SIPA1L3: variants seen among roughly 807,000 people sequenced by gnomAD.
SIPA1L3 encodes signal induced proliferation associated 1 like 3.
SIPA1L3 carries 59 observed loss-of-function variants against 150.1 expected under a neutral mutation model. The ratio of observed to expected loss-of-function variants is 0.39; its 90% CI spans 0.32 to 0.49. The LOEUF (loss-of-function observed/expected upper bound fraction) is 0.49, where lower values mean the gene tolerates loss of function less well. SIPA1L3 is among the 20% of genes least tolerant of loss of function. The pLI is 0.86. For synonymous variants in SIPA1L3, 1,070 were observed against 1,077.6 expected (o/e 0.99, Z 0.14); for missense variants, 2,211 against 2,489.5 (o/e 0.89, Z 2.38).
chr19:38,154,015 A>T (rs1419931079), intron 13 of SIPA1L3, among the ~76,000 whole-genome samples: 1 of 152,202 alleles, frequency 6.6e-6, no homozygotes, highest in African/African-American at 2.4e-5. Flanking sequence ...GGCAGGAAAT[A>T]TAACATGGCT....
chr19:37,921,058 C>T (rs1191681831), intron 1 of SIPA1L3, among the ~76,000 whole-genome samples: 3 of 152,234 alleles, frequency 2.0e-5, no homozygotes, highest in Non-Finnish European at 2.9e-5. Context: ...CCACACGAAC[C>T]GGAATCCAGT....
At chr19:38,151,961 C>CAAAAAAAAA (rs35851181) in intron 12 of SIPA1L3, among the ~76,000 whole-genome samples, 1 of 86,136 alleles carries the variant, frequency 1.2e-5, no homozygotes, top group Non-Finnish European at 2.1e-5. Flanking sequence ...GACCCCATCT[C>CAAAAAAAAA]AAAAAAAAAA....
intron 20 of SIPA1L3, among the ~76,000 whole-genome samples, chr19:38,203,365 G>T (rs532814674): frequency 1.6e-4 from 24 of 152,320 alleles, no homozygotes; most frequent in African/African-American, 4.3e-4. Flanking sequence ...GGCGAGGCAG[G>T]AGGGCCAGCC....
At chr19:38,160,080 C>T (rs376587573) in intron 13 of SIPA1L3, among the ~76,000 whole-genome samples, 1 of 152,094 alleles carries the variant, frequency 6.6e-6, no homozygotes, top group Non-Finnish European at 1.5e-5. Context: ...GGCGCGATCT[C>T]GGCTCACTGC....
At chr19:38,044,241 C>T (rs1473602924) in intron 2 of SIPA1L3, among the ~76,000 whole-genome samples, 2 of 152,180 alleles carry the variant, frequency 1.3e-5, no homozygotes, top group South Asian at 2.1e-4. Context: ...CTGTTCGGTG[C>T]TGGGTGCCCG....
rs115411294 is a variant in SIPA1L3, at chr19:37,980,431, G to A, written c.-378-48658G>A. On this transcript the variant is annotated intron_variant, in intron 1 of 21. Coordinates refer to ENST00000222345, the MANE Select transcript of SIPA1L3 (RefSeq NM_015073.3). ...GCCCTGGAGATCCTCTTATTTTAGT[G>A]TTCTGGTGGAAACTGAAGGGTGGGT... 6.2e-3 allele frequency among the ~76,000 whole-genome samples: 937 copies of A among 152,278 alleles called. 10 individuals are homozygous for A. Among genetic ancestry groups the A allele is most frequent in the African/African-American group, 0.021 (858 of 41,540 alleles).
In SIPA1L3 at chr19:38,082,509, G is replaced by GCGTTCCCCGGGGGAGGCCGC. The variant is rs1568540022; in HGVS notation, c.944_945insCGTTCCCCGGGGGAGGCCGC (p.Arg316ValfsTer97). 1.9e-6 allele frequency: 3 copies of GCGTTCCCCGGGGGAGGCCGC among 1,595,172 alleles called. No homozygotes were observed. Among genetic ancestry groups the GCGTTCCCCGGGGGAGGCCGC allele is most frequent in the Non-Finnish European group, 1.7e-6 (2 of 1,170,288 alleles). ...AGCAGCAAACCCGAGGGGGAGGCTG[G>GCGTTCCCCGGGGGAGGCCGC]GCGTTCCCCGGGGGAGGCCGACGAG... On this transcript the variant is annotated frameshift_variant, in exon 3 of 22. Coordinates refer to ENST00000222345, the MANE Select transcript of SIPA1L3 (RefSeq NM_015073.3). LOFTEE classifies it high-confidence loss of function.
At chr19:38,110,146 G>A in intron 7 of SIPA1L3, 81 bp from the exon 8 acceptor site, 1 of 1,380,586 alleles carries the variant, frequency 7.2e-7, no homozygotes, top group Non-Finnish European at 1.0e-6. Flanking sequence ...GTGGGTGGGG[G>A]GAGCTGTGGC....
At chr19:37,938,306 G>A (rs1373132064) in intron 1 of SIPA1L3, among the ~76,000 whole-genome samples, 1 of 152,172 alleles carries the variant, frequency 6.6e-6, no homozygotes, top group Non-Finnish European at 1.5e-5. Context: ...GGTGCACATG[G>A]ACAAGCATTT....
rs773660155 is a variant in SIPA1L3, at chr19:38,082,694, G to A, written c.1129G>A (p.Ala377Thr). 2.4e-5 allele frequency: 39 copies of A among 1,609,486 alleles called. No individual in the cohort carries two copies. Among genetic ancestry groups the A allele is most frequent in the Non-Finnish European group, 3.2e-5 (38 of 1,178,888 alleles). ...CACCACGGGTGCTTCGGCCGCTTCC[G>A]CCGCCTCGGCCATGGCCTCCCTCAC... is the stretch of plus-strand genomic sequence containing the variant. ...NTTTGASAAS[A>T]ASAMASLTAS... Residue 377 changes from alanine (A) to threonine (T), a missense_variant, in exon 3 of 22, where the codon GCC becomes ACC. Transcript: ENST00000222345.
intron 16 of SIPA1L3, among the ~76,000 whole-genome samples, chr19:38,184,078 G>C (rs138662616): frequency 2.8e-4 from 42 of 152,230 alleles, no homozygotes; most frequent in Non-Finnish European, 5.7e-4. Context: ...AACATTGCCT[G>C]AGCACTCACC....
At chr19:37,956,089 A>C (rs1457283012) in intron 1 of SIPA1L3, among the ~76,000 whole-genome samples, 1 of 152,202 alleles carries the variant, frequency 6.6e-6, no homozygotes, top group Non-Finnish European at 1.5e-5. Context: ...TCCTGGGCTC[A>C]AGCTGTTTTC....
intron 1 of SIPA1L3, among the ~76,000 whole-genome samples, chr19:38,014,229 G>A (rs146209622): frequency 6.6e-6 from 1 of 152,350 alleles, no homozygotes; most frequent in East Asian, 1.9e-4. Flanking sequence ...AGACCAGCCT[G>A]TTCCTGGGTG....
chr19:37,911,250 C>CGT (rs34936249), intron 1 of SIPA1L3, among the ~76,000 whole-genome samples: 86,889 of 149,562 alleles, frequency 0.58, 25,499 homozygotes, highest in East Asian at 0.68. Context: ...TATGTATGTG[C>CGT]GTGTGTGTGT....
At chr19:37,985,679 G>T (rs1186278240) in intron 1 of SIPA1L3, among the ~76,000 whole-genome samples, 1 of 152,158 alleles carries the variant, frequency 6.6e-6, no homozygotes, top group African/African-American at 2.4e-5. Context: ...AGAATGTGTT[G>T]GGAGGGATTT....
At chr19:37,948,621 G>T (rs1024047720) in intron 1 of SIPA1L3, among the ~76,000 whole-genome samples, 2 of 152,194 alleles carry the variant, frequency 1.3e-5, no homozygotes, top group Non-Finnish European at 2.9e-5. Flanking sequence ...GGTATTTCCT[G>T]AGCACCTATG....
chr19:37,994,347 T>C (rs1220321456), intron 1 of SIPA1L3, among the ~76,000 whole-genome samples: 1 of 152,164 alleles, frequency 6.6e-6, no homozygotes, highest in African/African-American at 2.4e-5. Flanking sequence ...CTCTGGGATA[T>C]GGTACAAGTG....
At chr19:37,956,201 A>G (rs906313855) in intron 1 of SIPA1L3, among the ~76,000 whole-genome samples, 3 of 152,198 alleles carry the variant, frequency 2.0e-5, no homozygotes, top group Non-Finnish European at 4.4e-5. Context: ...TGTTACAGCC[A>G]TCCTGGTGGG....
chr19:38,164,738 G>T lies in SIPA1L3; in HGVS notation c.4040G>T (p.Gly1347Val), dbSNP rs1231048933. The change falls in exon 15 of 22, where the codon GGT becomes GTT. Residue 1347 changes from glycine to valine, a missense_variant. By Grantham distance (109) the Gly-to-Val change is moderately radical (BLOSUM62 -3). This residue lies in a region of SIPA1L3 where 806 missense variants were observed against 870.1 expected (regional missense o/e 0.93). Transcript: ENST00000222345. This position sits in a 1 kb window ranked among gnomAD's most constrained non-coding sequence, Gnocchi z 4.1. ...GGAAGTATGGGCCTTTGTGGCGGGG[G>T]TCGCGAGGCCGCTGGGAGGTCCCAC... The part of the protein sequence containing the change: ...PPGSMGLCGG[G>V]REAAGRSHHA... 6.2e-7 allele frequency: 1 copy of T among 1,613,314 alleles called. No individual in the cohort carries two copies. The highest frequency in any genetic ancestry group is 1.7e-5 in the Admixed American group (1 of 59,922).
Sources: allele counts gnomAD v4.1 joint callset (sites outside exome capture counted in the v4.1 genomes callset), GRCh38; gene constraint gnomAD v4.1.1; regional missense constraint gnomAD v4.1.1; non-coding constraint Gnocchi (gnomAD v3.1); transcripts MANE v1.5; gene names NCBI Gene and HGNC (gene_info 2026-07-23, HGNC 2026-07-21).